The following TBL1X variants were observed in gnomAD, a reference collection of about 807,000 sequenced individuals.
TBL1X encodes F-box-like/WD repeat-containing protein TBL1X.
A neutral mutation model predicts 50.7 loss-of-function variants in TBL1X; 10 were observed. That is an observed-to-expected ratio of 0.20 (90% CI 0.12 to 0.33). The LOEUF is 0.33. TBL1X is among the 10% of genes least tolerant of loss of function. The probability of loss-of-function intolerance (pLI) is 1.00; values close to 1 mark genes in which losing one functional copy is unlikely to be tolerated. For synonymous variants in TBL1X, 190 were observed against 214.7 expected, an observed-to-expected ratio of 0.88 and a Z score of 1.01; for missense variants, 340 against 504.4, an observed-to-expected ratio of 0.67 and a Z score of 3.12.
At chrX:9,642,686 A>T (rs1283081352) in intron 3 of TBL1X, among the ~76,000 whole-genome samples, 1 of 112,297 alleles carries the variant, frequency 8.9e-6, no homozygotes, top group African/African-American at 3.2e-5. Flanking sequence ...GACTGAGAGC[A>T]GGCTCAGCAA....
At position 9,635,838 on chromosome X, in the gene TBL1X, C is replaced by T. The variant is rs1377368439; in HGVS notation, c.-130-4435C>T. On this transcript the variant is annotated intron_variant, in intron 2 of 17. Coordinates refer to ENST00000645353, the MANE Select transcript of TBL1X (RefSeq NM_005647.4). The stretch of plus-strand genomic sequence containing the variant: ...AAGAAGGATAAAGGCAGAACGATGC[C>T]AGGCAATTCCACTGCTAGCCATTGC... 4.5e-5 allele frequency among the ~76,000 whole-genome samples: 5 copies of T among 112,126 alleles called. No individual in the cohort carries two copies. The Admixed American group carries it at 4.7e-4, about 11-fold the overall frequency.
intron 2 of TBL1X, among the ~76,000 whole-genome samples, chrX:9,612,765 A>G (rs2082619832): frequency 9.0e-6 from 1 of 111,383 alleles, no homozygotes; most frequent in Admixed American, 9.6e-5. Flanking sequence ...CGATCCACTT[A>G]TTTCACATTG....
intron 2 of TBL1X, among the ~76,000 whole-genome samples, chrX:9,522,017 T>C (rs1179091581): frequency 9.4e-6 from 1 of 105,848 alleles, no homozygotes; most frequent in South Asian, 4.2e-4. Flanking sequence ...TCGTTTCTTT[T>C]TTTTTTTTTT....
At position 9,553,204 on chromosome X, in the gene TBL1X, C is replaced by T. The variant is rs138795930; in HGVS notation, c.-131+51355C>T. Reference sequence around the variant, plus strand: ...GGTTGGGGAGGTTGTCTGGGTGGGCCCAGAGCAATCACAGAGGTGCTTCTG... The same window carrying T: ...GGTTGGGGAGGTTGTCTGGGTGGGCTCAGAGCAATCACAGAGGTGCTTCTG... On this transcript the variant is annotated intron_variant, in intron 2 of 17. Transcript: ENST00000645353. 2.4e-3 allele frequency among the ~76,000 whole-genome samples: 262 copies of T among 110,286 alleles called. 1 individual carries two copies. Among genetic ancestry groups the T allele is most frequent in the African/African-American group, 8.2e-3 (248 of 30,315 alleles).
Position 9,718,428 on chromosome X carries a change from A to G in TBL1X, c.*2182A>G, listed in dbSNP as rs1259737219. ...TTCGTGTTCTGTTTCCGAAACACTT[A>G]GCAAAGAAGGTCACAGTGATGTGGA... On this transcript the variant is annotated 3_prime_UTR_variant, in exon 18 of 18. Coordinates refer to ENST00000645353, the MANE Select transcript of TBL1X (RefSeq NM_005647.4). 1 of 111,865 alleles carries G rather than the reference A, an allele frequency of 8.9e-6. No homozygotes were observed. Among genetic ancestry groups the G allele is most frequent in the Non-Finnish European group, 1.9e-5 (1 of 53,188 alleles). 9.2% of individuals were successfully genotyped at this position (111,865 alleles called of 1,213,427 possible).
chrX:9,629,064 G>A (rs1397222654), intron 2 of TBL1X, among the ~76,000 whole-genome samples: 1 of 112,288 alleles, frequency 8.9e-6, no homozygotes, highest in Admixed American at 9.4e-5. Context: ...TGTGGAATAC[G>A]GATCTTCTTC....
intron 2 of TBL1X, among the ~76,000 whole-genome samples, chrX:9,588,554 T>C (rs761013961): frequency 9.0e-6 from 1 of 111,173 alleles, no homozygotes; most frequent in African/African-American, 3.3e-5. Context: ...ACTGATCCTG[T>C]CTCTCTCTCT....
intron 5 of TBL1X, among the ~76,000 whole-genome samples, chrX:9,661,205 A>C (rs1401035517): frequency 8.9e-6 from 1 of 112,728 alleles, no homozygotes; most frequent in Admixed American, 9.4e-5. Context: ...TAACTTAGTG[A>C]CATTTGTCAT....
At chrX:9,476,637 G>A (rs1185260808) in intron 1 of TBL1X, among the ~76,000 whole-genome samples, 1 of 111,950 alleles carries the variant, frequency 8.9e-6, no homozygotes, top group Admixed American at 9.5e-5. Flanking sequence ...AGGTATGTAG[G>A]GGAATGGGAA....
At chrX:9,478,638 T>C (rs2081862382) in intron 1 of TBL1X, among the ~76,000 whole-genome samples, 1 of 111,933 alleles carries the variant, frequency 8.9e-6, no homozygotes, top group Admixed American at 9.5e-5. Context: ...GAGAGGAGCC[T>C]GATTGCTGCT....
chrX:9,554,731 TA>T (rs1313439214), intron 2 of TBL1X, among the ~76,000 whole-genome samples: 1 of 112,345 alleles, frequency 8.9e-6, no homozygotes, highest in African/African-American at 3.2e-5. Flanking sequence ...ATCACTTTTT[TA>T]AAAAACAGCT....
chrX:9,556,708 T>A (rs769572195), intron 2 of TBL1X, among the ~76,000 whole-genome samples: 19 of 111,206 alleles, frequency 1.7e-4, no homozygotes, highest in Non-Finnish European at 3.0e-4. Context: ...AAATGGGTCT[T>A]ATTCTGCTAA....
At chrX:9,542,639 T>TCTCTC (rs761042094) in intron 2 of TBL1X, among the ~76,000 whole-genome samples, 3,233 of 111,313 alleles carry the variant, frequency 0.029, 141 homozygotes, top group African/African-American at 0.1. Context: ...CATGGTAACT[T>TCTCTC]CTCTCAGCGC....
chrX:9,492,865 G>GTA (rs2081952041), intron 1 of TBL1X, among the ~76,000 whole-genome samples: 1 of 47,946 alleles, frequency 2.1e-5, no homozygotes, highest in African/African-American at 9.3e-5. Flanking sequence ...GTGTGTGTGT[G>GTA]TGTGTGTGTG....
intron 2 of TBL1X, among the ~76,000 whole-genome samples, chrX:9,524,723 C>G (rs1448550213): frequency 8.9e-6 from 1 of 112,053 alleles, no homozygotes; most frequent in Non-Finnish European, 1.9e-5. Context: ...GCTTTCAGTT[C>G]TTTGATGTGT....
chrX:9,634,950 G>A (rs1209676844), intron 2 of TBL1X, among the ~76,000 whole-genome samples: 1 of 111,794 alleles, frequency 8.9e-6, no homozygotes, highest in Non-Finnish European at 1.9e-5. Flanking sequence ...GTGACAAAGT[G>A]TTAGATTCTG....
chrX:9,474,471 C>T (rs779913524), intron 1 of TBL1X, among the ~76,000 whole-genome samples: 1 of 113,217 alleles, frequency 8.8e-6, no homozygotes, highest in Non-Finnish European at 1.9e-5. Context: ...GACTGGACAT[C>T]GTTCCAGAGG....
chrX:9,649,573 GA>G (rs755476732), intron 3 of TBL1X, among the ~76,000 whole-genome samples: 1 of 112,057 alleles, frequency 8.9e-6, no homozygotes, highest in East Asian at 2.8e-4. Flanking sequence ...CTAGTTGGAA[GA>G]AAGAAAGATG....
intron 2 of TBL1X, among the ~76,000 whole-genome samples, chrX:9,617,379 G>A (rs942074149): frequency 2.7e-4 from 30 of 111,862 alleles, no homozygotes; most frequent in Admixed American, 2.5e-3. Context: ...GGTCAGGTTC[G>A]CTGAGATCTC....
Sources: gnomAD v4.1 joint callset for allele counts (sites outside exome capture counted in the v4.1 genomes callset) on GRCh38, gnomAD v4.1.1 for gene constraint, MANE v1.5 for transcripts, NCBI Gene and HGNC (gene_info 2026-07-23, HGNC 2026-07-21) for gene names.